The following NRDE2 variants were observed in gnomAD, a reference collection of about 807,000 sequenced individuals.
The protein encoded by NRDE2 is nuclear exosome regulator NRDE2.
In NRDE2, 76 loss-of-function variants were observed where a neutral mutation model predicts 124.2. That is an observed-to-expected ratio of 0.61 (90% CI 0.51 to 0.74). The LOEUF (loss-of-function observed/expected upper bound fraction) is 0.74. NRDE2 is among the 30% of genes least tolerant of loss of function. The pLI is 0.00. For missense variants in NRDE2, 1,314 were observed against 1,417.3 expected (o/e 0.93, Z 1.17); for synonymous variants, 489 against 528.1 (o/e 0.93, Z 1.01).
Position 90,316,713 on chromosome 14 carries a change from T to A in NRDE2, c.272A>T (p.Lys91Met). The change falls in exon 3 of 14, where the codon AAG becomes ATG. Residue 91 changes from lysine (K) to methionine (M), a missense_variant. Coordinates refer to ENST00000354366, the MANE Select transcript of NRDE2 (RefSeq NM_017970.4). ...KKKKEKKKKR[K>M]HQHHKKTKRK... ...CTTTGTTTTCTTATGATGCTGATGC[T>A]TCCTTTTTTTCTTTTTCTCTTTCTT... The A allele has an allele frequency of 3.1e-6, 5 of 1,613,872 alleles. No homozygotes were observed. Among genetic ancestry groups the A allele is most frequent in the Non-Finnish European group, 4.2e-6 (5 of 1,179,966 alleles).
At position 90,272,036 on chromosome 14, in the gene NRDE2, G is replaced by C. The variant is rs1891681997; in HGVS notation, c.*6300C>G. The C allele has an allele frequency of 3.0e-6, 1 of 330,392 alleles. No individual in the cohort carries two copies. The highest frequency in any genetic ancestry group is 2.8e-5 in the South Asian group (1 of 35,602). 20.5% of individuals were successfully genotyped at this position (330,392 alleles called of 1,614,324 possible). A position where few individuals can be genotyped will look rare whatever the true frequency, so the allele number is the denominator to read the frequency against. On this transcript the variant is annotated 3_prime_UTR_variant, in exon 14 of 14. Transcript: ENST00000354366. This position sits in a 1 kb window ranked among gnomAD's most constrained non-coding sequence, Gnocchi z 4.5. The stretch of plus-strand genomic sequence containing the variant: ...GCCTCCCGAGTAGCTAGGATTACAG[G>C]TGCCTGCCACCGTCCCTGGCTAACT...
chr14:90,308,817 A>C (rs570321021), intron 4 of NRDE2, among the ~76,000 whole-genome samples: 2 of 152,186 alleles, frequency 1.3e-5, no homozygotes, highest in Non-Finnish European at 2.9e-5. Flanking sequence ...AGATGAATCA[A>C]GCGTGCCCAA....
intron 8 of NRDE2, among the ~76,000 whole-genome samples, chr14:90,294,275 T>C (rs1892349948): frequency 6.6e-6 from 1 of 151,716 alleles, no homozygotes; most frequent in Admixed American, 6.6e-5. Context: ...TGTAAAATGG[T>C]GCAGCTGCCG....
In NRDE2 at chr14:90,273,069, C is replaced by T. The variant is rs1308214742; in HGVS notation, c.*5267G>A. On this transcript the variant is annotated 3_prime_UTR_variant, in exon 14 of 14. Transcript: ENST00000354366. ...GGTGTTCAGAAACATGTCAGAACTT[C>T]CCCTTCCCTTTCTCCGTCTATTTCC... 1 of 152,190 alleles carries T rather than the reference C, an allele frequency of 6.6e-6. No homozygotes were observed. Among genetic ancestry groups the T allele is most frequent in the Admixed American group, 6.5e-5 (1 of 15,278 alleles). 9.4% of individuals were successfully genotyped at this position (152,190 alleles called of 1,614,324 possible).
Position 90,290,381 on chromosome 14 carries a change from A to C in NRDE2, c.2069T>G (p.Val690Gly). Residue 690 changes from valine (V) to glycine (G), a missense_variant, in exon 10 of 14, where the codon GTT becomes GGT. Val to Gly is a moderately radical substitution (Grantham distance 109). Coordinates refer to ENST00000354366, the MANE Select transcript of NRDE2 (RefSeq NM_017970.4). ...FNPLFSGASC[V>G]GRMDRLGYPR... is the part of the protein sequence containing the mutation. ...ATAGCCCAACCTATCCATGCGGCCA[A>C]CACAGCTAGCCCCAGAAAACAAAGG... is the stretch of plus-strand genomic sequence containing the variant. The C allele has an allele frequency of 6.2e-7, 1 of 1,614,176 alleles. No individual in the cohort carries two copies. Among genetic ancestry groups the C allele is most frequent in the Non-Finnish European group, 8.5e-7 (1 of 1,180,046 alleles).
intron 3 of NRDE2, among the ~76,000 whole-genome samples, chr14:90,315,957 CAAAAAA>C (rs59604203): frequency 6.7e-5 from 5 of 74,408 alleles, no homozygotes; most frequent in South Asian, 4.8e-4. Flanking sequence ...AACCCCGTCT[CAAAAAA>C]AAAAAAAAAA....
rs767438311 is a variant in NRDE2, at chr14:90,290,538, C to T, written c.1912G>A (p.Glu638Lys). The change falls in exon 10 of 14, where the codon GAG becomes AAG. Residue 638 changes from glutamate to lysine, a missense_variant. By Grantham distance (56) the Glu-to-Lys change is moderately conservative. Transcript: ENST00000354366. ...SSHDLQFQLV[E>K]AFLQFLGVPS... ...ACACCCAAGAACTGCAGGAAGGCCT[C>T]CACCAGCTGGAACTGAAGATCATGG... 4 of 1,613,874 alleles carry T rather than the reference C, an allele frequency of 2.5e-6. No homozygotes were observed. The East Asian group carries it at 6.7e-5, about 27-fold the overall frequency.
At chr14:90,322,153 C>T (rs1212396489) in intron 1 of NRDE2, among the ~76,000 whole-genome samples, 1 of 152,224 alleles carries the variant, frequency 6.6e-6, no homozygotes, top group African/African-American at 2.4e-5. Context: ...TTACGGCAAT[C>T]TTCACATTGT....
intron 1 of NRDE2, among the ~76,000 whole-genome samples, chr14:90,319,014 GTGA>G: frequency 6.6e-6 from 1 of 152,288 alleles, no homozygotes; most frequent in South Asian, 2.1e-4. Flanking sequence ...TGTGAATACT[GTGA>G]TGATTATCTC....
intron 9 of NRDE2, among the ~76,000 whole-genome samples, chr14:90,290,867 A>G (rs963909881): frequency 6.6e-6 from 1 of 152,222 alleles, no homozygotes; most frequent in Admixed American, 6.5e-5. Context: ...GAGAGAAGCC[A>G]TGAACGGGTT....
Position 90,290,194 on chromosome 14 carries a change from A to C in NRDE2, c.2229+27T>G, listed in dbSNP as rs367913597. On this transcript the variant is annotated intron_variant, in intron 10 of 13. Transcript: ENST00000354366. The stretch of plus-strand genomic sequence containing the variant: ...ACTGACATGAAATGAAAAGTCCCCA[A>C]ACATGGGAGGACGAGTCTGGAATTA... 2.5e-6 allele frequency: 4 copies of C among 1,602,116 alleles called. No individual in the cohort carries two copies. In the African/African-American group the frequency reaches 5.4e-5, roughly 21 times the overall value.
chr14:90,318,310 C>G lies in NRDE2; in HGVS notation c.65-197G>C, dbSNP rs182958724. 2.6e-5 allele frequency among the ~76,000 whole-genome samples: 4 copies of G among 152,312 alleles called. No homozygotes were observed. In the East Asian group the frequency reaches 5.8e-4, roughly 22 times the overall value. On this transcript the variant is annotated intron_variant, in intron 1 of 13. Transcript: ENST00000354366. The stretch of plus-strand genomic sequence containing the variant: ...TTTCACAGGGCATGGCTTTAATACC[C>G]TCTAAAATATTCTAGACCAAAATCC...
At chr14:90,306,158 C>T (rs1301670193) in intron 4 of NRDE2, among the ~76,000 whole-genome samples, 1 of 152,098 alleles carries the variant, frequency 6.6e-6, no homozygotes, top group African/African-American at 2.4e-5. Flanking sequence ...AAAATTTTTT[C>T]CTAATAAAAC....
intron 8 of NRDE2, among the ~76,000 whole-genome samples, chr14:90,297,832 T>G (rs1356088743): frequency 6.6e-6 from 1 of 151,470 alleles, no homozygotes; most frequent in African/African-American, 2.4e-5. Flanking sequence ...TCCCAGCTAC[T>G]CAGGAGCCTG....
chr14:90,293,565 A>G (rs1451707136), intron 8 of NRDE2, among the ~76,000 whole-genome samples: 2 of 152,140 alleles, frequency 1.3e-5, no homozygotes, highest in South Asian at 2.1e-4. Context: ...TCTTAATTTT[A>G]TTTAATTTTA....
chr14:90,314,063 C>A (rs1884953080), intron 3 of NRDE2, among the ~76,000 whole-genome samples: 1 of 152,200 alleles, frequency 6.6e-6, no homozygotes, highest in African/African-American at 2.4e-5. Context: ...AGTCAACAGG[C>A]CCTTTCCTCT....
chr14:90,270,434 G>A lies in NRDE2; in HGVS notation c.*7902C>T. On this transcript the variant is annotated 3_prime_UTR_variant, in exon 14 of 14. Transcript: ENST00000354366. ...AGTCTATATGTGCTCTTGGGATGGT[G>A]GTTGGCCTGGACAGGTGGGTGTCTG... The A allele has an allele frequency of 6.8e-7, 1 of 1,467,442 alleles. No homozygotes were observed. The highest frequency in any genetic ancestry group is 2.4e-5 in the East Asian group (1 of 41,592). 90.9% of individuals were successfully genotyped at this position (1,467,442 alleles called of 1,614,324 possible). A position where few individuals can be genotyped will look rare whatever the true frequency, so the allele number is the denominator to read the frequency against.
chr14:90,331,605 C>T (rs1176259664), intron 1 of NRDE2, among the ~76,000 whole-genome samples: 1 of 152,202 alleles, frequency 6.6e-6, no homozygotes, highest in Non-Finnish European at 1.5e-5. Context: ...GTCCCAGCTC[C>T]AGGGCATCTG....
chr14:90,289,636 G>A lies in NRDE2; in HGVS notation c.2230-491C>T, dbSNP rs183718714. ...GGAGTCTCACTCTGTCACCCAGGCT[G>A]GAGTGCAATGGTGCGATCTCAGTTC... On this transcript the variant is annotated intron_variant, in intron 10 of 13. Coordinates refer to ENST00000354366, the MANE Select transcript of NRDE2 (RefSeq NM_017970.4). 1.4e-4 allele frequency among the ~76,000 whole-genome samples: 21 copies of A among 152,304 alleles called. No homozygotes were observed. The East Asian group carries it at 3.5e-3, about 25-fold the overall frequency.
Sources: gnomAD v4.1 joint callset for allele counts (sites outside exome capture counted in the v4.1 genomes callset) on GRCh38, gnomAD v4.1.1 for gene constraint, Gnocchi (gnomAD v3.1) non-coding constraint, MANE v1.5 for transcripts, NCBI Gene and HGNC (gene_info 2026-07-23, HGNC 2026-07-21) for gene names.